Variants in DOT1L observed in about 807,000 individuals in gnomAD.
The protein encoded by DOT1L is histone-lysine N-methyltransferase, H3 lysine-79 specific.
A neutral mutation model predicts 153.3 loss-of-function variants in DOT1L; 33 were observed. The ratio of observed to expected loss-of-function variants is 0.22; its 90% confidence interval spans 0.16 to 0.29. DOT1L has a LOEUF of 0.29. DOT1L is among the 10% of genes least tolerant of loss of function. The pLI is 1.00. For synonymous variants in DOT1L, 1,135 were observed against 965.1 expected (o/e 1.18, Z -3.26); for missense variants, 1,847 against 2,119.9 (o/e 0.87, Z 2.53).
At chr19:2,196,230 G>A (rs2023014924) in intron 7 of DOT1L, among the ~76,000 whole-genome samples, 2 of 152,272 alleles carry the variant, frequency 1.3e-5, no homozygotes, top group Non-Finnish European at 2.9e-5. Flanking sequence ...CCCGACCGGG[G>A]TCAGGAGCCC....
At chr19:2,173,262 T>C (rs766193172) in intron 1 of DOT1L, among the ~76,000 whole-genome samples, 2 of 152,160 alleles carry the variant, frequency 1.3e-5, no homozygotes, top group Non-Finnish European at 2.9e-5. Context: ...CGCTGTGGCT[T>C]TGGCCTCAGG....
intron 1 of DOT1L, 126 bp downstream of exon 1, chr19:2,164,391 C>T (rs2019827904): frequency 9.0e-6 from 5 of 556,466 alleles, no homozygotes; most frequent in Non-Finnish European, 1.3e-5. Context: ...CTGGACTCCA[C>T]TGTCGCTGCT....
chr19:2,216,186 C>A, intron 19 of DOT1L, 95 bp from the exon 20 acceptor site: 1 of 1,477,910 alleles, frequency 6.8e-7, no homozygotes, highest in Non-Finnish European at 9.0e-7. Context: ...CAGCGGGGGT[C>A]CTGGCCACCC....
intron 10 of DOT1L, 98 bp downstream of exon 10, chr19:2,206,895 G>A (rs1007873824): frequency 6.4e-5 from 81 of 1,265,370 alleles, no homozygotes; most frequent in Non-Finnish European, 8.5e-5. Flanking sequence ...TGTGGACACT[G>A]GGGCTGGATC....
intron 1 of DOT1L, among the ~76,000 whole-genome samples, chr19:2,175,292 C>T (rs1246670920): frequency 2.6e-5 from 4 of 151,958 alleles, no homozygotes; most frequent in Non-Finnish European, 5.9e-5. Flanking sequence ...TGAGCCATGG[C>T]GCCTGGCCGA....
At chr19:2,186,922 G>T (rs916611546) in intron 3 of DOT1L, among the ~76,000 whole-genome samples, 3 of 152,212 alleles carry the variant, frequency 2.0e-5, no homozygotes. Flanking sequence ...ATCAACAGCC[G>T]CATGGCAGGG....
intron 8 of DOT1L, among the ~76,000 whole-genome samples, chr19:2,200,787 C>T (rs573412144): frequency 1.3e-3 from 196 of 149,814 alleles, no homozygotes; most frequent in African/African-American, 4.5e-3. Context: ...CCTCATTCCT[C>T]GTCCTCCCCG....
intron 1 of DOT1L, among the ~76,000 whole-genome samples, chr19:2,174,787 T>TA (rs79261543): frequency 0.03 from 3,960 of 133,036 alleles, 83 homozygotes; most frequent in South Asian, 0.052. Context: ...CCCAGCTAGT[T>TA]AAAAAAAAAA....
chr19:2,218,000 C>G lies in DOT1L; in HGVS notation c.2691+82C>G. The G allele has an allele frequency of 6.6e-7, 1 of 1,526,656 alleles. No homozygotes were observed. The highest frequency in any genetic ancestry group is 8.8e-7 in the Non-Finnish European group (1 of 1,135,514). 94.6% of individuals were successfully genotyped at this position (1,526,656 alleles called of 1,614,324 possible). On this transcript the variant is annotated intron_variant, in intron 22 of 27. Transcript: ENST00000398665. This position sits in a 1 kb window ranked among gnomAD's most constrained non-coding sequence, Gnocchi z 7.3. Reference sequence around the variant, plus strand: ...GGTGCTCGAGACCTGGCTCACTTTGCGAAGTCTCACGCTGTAAAATGTCGA... The same window carrying G: ...GGTGCTCGAGACCTGGCTCACTTTGGGAAGTCTCACGCTGTAAAATGTCGA...
At chr19:2,218,011 G>A (rs980364961) in intron 22 of DOT1L, 93 bp downstream of exon 22, 2 of 1,506,786 alleles carry the variant, frequency 1.3e-6, no homozygotes, top group Non-Finnish European at 1.8e-6. Flanking sequence ...GAAGTCTCAC[G>A]CTGTAAAATG....
At chr19:2,229,086 G>C (rs1334273787) in intron 27 of DOT1L, 22 of 985,354 alleles carry the variant, frequency 2.2e-5, no homozygotes, top group Non-Finnish European at 4.8e-6. Context: ...TCAGATGTCA[G>C]CACCAAGCTG....
intron 3 of DOT1L, among the ~76,000 whole-genome samples, chr19:2,187,460 G>T (rs948328730): frequency 6.6e-6 from 1 of 152,222 alleles, no homozygotes; most frequent in Admixed American, 6.5e-5. Context: ...GTTGGAGCTG[G>T]CAGGGCCACC....
At chr19:2,165,904 G>T (rs1378231582) in intron 1 of DOT1L, among the ~76,000 whole-genome samples, 1 of 151,786 alleles carries the variant, frequency 6.6e-6, no homozygotes, top group Non-Finnish European at 1.5e-5. Context: ...CAGTAGCTAG[G>T]ACTATAGGCG....
At position 2,226,490 on chromosome 19, in the gene DOT1L, C is replaced by G. The variant is rs200857904; in HGVS notation, c.3969C>G (p.Ala1323=). The part of the protein sequence containing the change: ...ANGCTFGGGL[A]ADLSLHSFSD... The stretch of plus-strand genomic sequence containing the variant: ...GCTGCACCTTCGGCGGGGGCCTGGC[C>G]GCGGACCTGAGTTTACACAGCTTCA... The change falls in exon 27 of 28, where the codon GCC becomes GCG. Residue 1323 remains alanine (A), a synonymous_variant. Transcript: ENST00000398665. The G allele has an allele frequency of 5.0e-6, 8 of 1,600,694 alleles. No individual in the cohort carries two copies. The African/African-American group carries it at 1.1e-4, about 21-fold the overall frequency.
chr19:2,216,427 G>A lies in DOT1L; in HGVS notation c.2070G>A (p.Leu690=), dbSNP rs1239802929. ...GRELEPDASR[L]HLELDCTKFS... ...AGCTGGAGCCTGACGCCAGCCGGCT[G>A]CACCTGGAGCTGGACTGCACCAAGT... The change falls in exon 20 of 28, where the codon CTG becomes CTA. Residue 690 remains leucine, a synonymous_variant. Transcript: ENST00000398665. 6.2e-7 allele frequency: 1 copy of A among 1,612,498 alleles called. No individual in the cohort carries two copies. Among genetic ancestry groups the A allele is most frequent in the South Asian group, 1.1e-5 (1 of 91,084 alleles).
chr19:2,207,492 ACGCCT>A lies in DOT1L; in HGVS notation c.857-81_857-77del. 1 of 1,215,896 alleles carries A rather than the reference ACGCCT, an allele frequency of 8.2e-7. No homozygotes were observed. The highest frequency in any genetic ancestry group is 1.2e-6 in the Non-Finnish European group (1 of 862,330). The allele number at this position is 1,215,896 out of a possible 1,614,324, so 75.3% of individuals were successfully genotyped here. A position where few individuals can be genotyped will look rare whatever the true frequency, so the allele number is the denominator to read the frequency against. ...ACGCGCAGCTCAGGCTTCTGTCCCC[ACGCCT>A]GCCCTGGGGTGGGTGAGGTCTGCAT... On this transcript the variant is annotated intron_variant, in intron 10 of 27. Transcript: ENST00000398665. The surrounding 1 kb of genome is among the most constrained non-coding windows in gnomAD (Gnocchi z 4.5).
chr19:2,218,599 T>G (rs529840890), intron 22 of DOT1L, among the ~76,000 whole-genome samples: 1 of 152,052 alleles, frequency 6.6e-6, no homozygotes, highest in Non-Finnish European at 1.5e-5. Flanking sequence ...TTCACCGTGT[T>G]AGCCAGGATG....
chr19:2,225,220 G>C (rs539054347), intron 25 of DOT1L, among the ~76,000 whole-genome samples, 168 bp from the exon 26 acceptor site: 1 of 152,240 alleles, frequency 6.6e-6, no homozygotes, highest in African/African-American at 2.4e-5. Context: ...CCAGGGCCCA[G>C]CCACCCAGTC....
chr19:2,210,369 C>T, intron 12 of DOT1L, 31 bp from the exon 13 acceptor site: 1 of 1,484,070 alleles, frequency 6.7e-7, no homozygotes, highest in Non-Finnish European at 9.0e-7. Context: ...AGCGCTGGGG[C>T]TTCCTGTGGC....
Sources: gnomAD v4.1 joint callset for allele counts (sites outside exome capture counted in the v4.1 genomes callset) on GRCh38, gnomAD v4.1.1 for gene constraint, Gnocchi (gnomAD v3.1) non-coding constraint, MANE v1.5 for transcripts, NCBI Gene and HGNC (gene_info 2026-07-23, HGNC 2026-07-21) for gene names.